NDRG4: variants seen among roughly 807,000 people sequenced by gnomAD.
NDRG4 encodes the protein protein NDRG4.
Under a neutral mutation model 55.8 loss-of-function variants are expected in NDRG4, and 38 were observed. The observed-to-expected ratio is 0.68, with a 90% confidence interval of 0.53 to 0.89. NDRG4 has a LOEUF of 0.89. Among genes scored for constraint, NDRG4 ranks in the 40% least tolerant of loss-of-function variants. The pLI is 0.00. For missense variants in NDRG4, 455 were observed against 468.6 expected (o/e 0.97, Z 0.27); for synonymous variants, 190 against 182.7 (o/e 1.04, Z -0.32).
upstream of NDRG4, among the ~76,000 whole-genome samples, chr16:58,497,254 G>A (rs1232135204): frequency 2.6e-5 from 4 of 152,028 alleles, no homozygotes; most frequent in South Asian, 2.1e-4. Flanking sequence ...CCCGGGAGGC[G>A]GAGGTTGCAG....
rs531493705 is a variant in NDRG4, at chr16:58,503,904, G to C, written c.127+1G>C. The C allele has an allele frequency of 3.7e-6, 6 of 1,613,416 alleles. No individual in the cohort carries two copies. Among genetic ancestry groups the C allele is most frequent in the Admixed American group, 1.7e-5 (1 of 60,002 alleles). On this transcript the variant is annotated splice_donor_variant, in intron 2 of 14. Coordinates refer to ENST00000570248, the MANE Select transcript of NDRG4 (RefSeq NM_001242835.2). LOFTEE classifies it high-confidence loss of function. ...ACCTACCATGATGTGGGCCTCAACC[G>C]TAAGTGCAGCCCAGCCTCAGTCAGC...
Position 58,500,365 on chromosome 16 carries a change from T to C in NDRG4, c.21+96T>C, listed in dbSNP as rs991732423. ...GGAAGTGCCCCCCTCAACCCACATC[T>C]GGTGGCAGCCCGGCCTTCAAATAGC... On this transcript the variant is annotated intron_variant, in intron 1 of 14. Transcript: ENST00000570248. 17 of 1,461,048 alleles carry C rather than the reference T, an allele frequency of 1.2e-5. No individual in the cohort carries two copies. The African/African-American group carries it at 2.0e-4, about 17-fold the overall frequency. The allele number at this position is 1,461,048 out of a possible 1,614,324, so 90.5% of individuals were successfully genotyped here.
Position 58,510,678 on chromosome 16 carries a change from G to A in NDRG4, c.899G>A (p.Gly300Glu). 6.5e-7 allele frequency: 1 copy of A among 1,536,012 alleles called. No individual in the cohort carries two copies. Among genetic ancestry groups the A allele is most frequent in the South Asian group, 1.2e-5 (1 of 84,060 alleles). The change falls in exon 14 of 15, where the codon GGA (glycine) becomes GAA (glutamate). Residue 300 changes from glycine to glutamate, a missense_variant. Coordinates refer to ENST00000570248, the MANE Select transcript of NDRG4 (RefSeq NM_001242835.2). ...TTGAAGGACCGAAGGCTGAGTGGAG[G>A]AGCAGGTAGCCCCACGGCCCTTCCC... ...AYLKDRRLSG[G>E]AVPSASMTRL...
At chr16:58,497,033 G>C (rs1371396659), upstream of NDRG4, 1 of 152,110 alleles carries the variant, frequency 6.6e-6, no homozygotes, top group Non-Finnish European at 1.5e-5. Context: ...TCCAAAAAGA[G>C]GATAAAGGCT....
At chr16:58,500,437 T>G (rs2036931576) in intron 1 of NDRG4, 168 bp downstream of exon 1, 3 of 827,776 alleles carry the variant, frequency 3.6e-6, no homozygotes, top group Non-Finnish European at 5.2e-6. Flanking sequence ...CCAGGTTCCC[T>G]GGTGATCCTG....
chr16:58,513,164 TTA>T lies in NDRG4; in HGVS notation c.*1592_*1593del, dbSNP rs1408443717. ...AGATGTATCTATAAATATCTATACA[TTA>T]TATGTGTGTGTGTGTGTGTGTGTGT... is the stretch of plus-strand genomic sequence containing the variant. On this transcript the variant is annotated 3_prime_UTR_variant, in exon 15 of 15. Transcript: ENST00000570248. 3 of 58,878 alleles carry T rather than the reference TTA, an allele frequency of 5.1e-5. No homozygotes were observed. Among genetic ancestry groups the T allele is most frequent in the Admixed American group, 2.2e-4 (1 of 4,512 alleles). 3.6% of individuals were successfully genotyped at this position (58,878 alleles called of 1,614,324 possible).
At chr16:58,510,604 C>A (rs965223760) in intron 13 of NDRG4, 41 bp from the exon 14 acceptor site, 5 of 1,519,380 alleles carry the variant, frequency 3.3e-6, no homozygotes, top group Non-Finnish European at 3.5e-6. Context: ...GTTGTGTCTC[C>A]CCCATCCCCG....
chr16:58,464,541 C>T lies in NDRG4; in HGVS notation c.-24+744C>T. ...GGACTCCGGGCGCGGCGGCCGGGGA[C>T]TGGGGCGGCTCGGGTCTGAGCAGGA... On this transcript the variant is annotated intron_variant, in intron 1 of 15. Coordinates refer to the NDRG4 transcript ENST00000258187. The surrounding 1 kb of genome is among the most constrained non-coding windows in gnomAD (Gnocchi z 4.8). 1 of 1,249,846 alleles carries T rather than the reference C, an allele frequency of 8.0e-7. No homozygotes were observed. Among genetic ancestry groups the T allele is most frequent in the Non-Finnish European group, 1.0e-6 (1 of 980,994 alleles). The allele number at this position is 1,249,846 out of a possible 1,614,324, so 77.4% of individuals were successfully genotyped here.
At chr16:58,475,087 G>A (rs1567570031) in intron 1 of NDRG4, among the ~76,000 whole-genome samples, 1 of 152,160 alleles carries the variant, frequency 6.6e-6, no homozygotes. Flanking sequence ...AGACTGTATT[G>A]CAGACTCCTG....
intron 1 of NDRG4, among the ~76,000 whole-genome samples, chr16:58,473,120 T>A (rs72790226): frequency 0.032 from 4,812 of 152,238 alleles, 98 homozygotes; most frequent in Admixed American, 0.052. Context: ...GTATTATCCT[T>A]CCCTCTGTTC....
In NDRG4 at chr16:58,507,983, C is replaced by CCGCTGAG; in HGVS notation, c.714_720dup (p.Asp241ArgfsTer2). 1 of 1,583,772 alleles carries CCGCTGAG rather than the reference C, an allele frequency of 6.3e-7. No homozygotes were observed. The highest frequency in any genetic ancestry group is 8.6e-7 in the Non-Finnish European group (1 of 1,162,052). On this transcript the variant is annotated frameshift_variant, in exon 10 of 15. Transcript: ENST00000570248. LOFTEE classifies it high-confidence loss of function. ...ATGCTGGTGGTTGGGGATAATGCAC[C>CCGCTGAG]CGCTGAGGACGGGGTGGTAAGTGAG... is the stretch of plus-strand genomic sequence containing the variant.
At chr16:58,466,839 G>A (rs1777063543) in intron 1 of NDRG4, among the ~76,000 whole-genome samples, 1 of 152,204 alleles carries the variant, frequency 6.6e-6, no homozygotes, top group Admixed American at 6.5e-5. Context: ...CTGTCTCTAA[G>A]AGATGGTGTA....
intron 1 of NDRG4, chr16:58,500,482 A>G: frequency 2.7e-6 from 1 of 366,386 alleles, no homozygotes; most frequent in Non-Finnish European, 4.8e-6. Flanking sequence ...TGCTAGTCAG[A>G]GCCCATAGCA....
rs111352265 is a variant in NDRG4 at position 58,506,621 on chromosome 16, G to T, written c.516+7G>T. 5 of 1,552,364 alleles carry T rather than the reference G, an allele frequency of 3.2e-6. No individual in the cohort carries two copies. The highest frequency in any genetic ancestry group is 4.8e-5 in the East Asian group (2 of 41,416). ...CTCCCACCTCTTCAGCCAGGTAAGG[G>T]GGGGAACTTCTGCAGATCTGGGGTG... On this transcript the variant is annotated splice_region_variant and intron_variant, in intron 7 of 14. Coordinates refer to ENST00000570248, the MANE Select transcript of NDRG4 (RefSeq NM_001242835.2).
At position 58,474,281 on chromosome 16, in the gene NDRG4, C is replaced by T. The variant is rs1411441215; in HGVS notation, c.-24+10484C>T. ...TGGTCTCGAACTCCTGGCCTCAAGC[C>T]GTGCACCTGCCTTAGCCTCCCAAAG... On this transcript the variant is annotated intron_variant, in intron 1 of 15. Coordinates refer to the NDRG4 transcript ENST00000258187. 2.6e-5 allele frequency among the ~76,000 whole-genome samples: 4 copies of T among 152,152 alleles called. 1 individual carries two copies. The highest frequency in any genetic ancestry group is 9.6e-5 in the African/African-American group (4 of 41,534).
intron 2 of NDRG4, among the ~76,000 whole-genome samples, chr16:58,491,974 A>G (rs143715253): frequency 4.2e-4 from 63 of 150,900 alleles, no homozygotes; most frequent in African/African-American, 1.4e-3. Flanking sequence ...GAGACATGGG[A>G]TCTTTCTATG....
chr16:58,486,777 C>T (rs959336427), intron 1 of NDRG4, among the ~76,000 whole-genome samples: 1 of 151,598 alleles, frequency 6.6e-6, no homozygotes, highest in Non-Finnish European at 1.5e-5. Context: ...CATTCTTCCT[C>T]TGAGGTTCAG....
rs2038833135 is a variant in NDRG4, at chr16:58,511,798, A to G, written c.*222A>G. ...CTCACTCTCCGTGGTAACTTAGCCA[A>G]CTTGACCCCTCTCATCCCACTCCCG... is the stretch of plus-strand genomic sequence containing the variant. On this transcript the variant is annotated 3_prime_UTR_variant, in exon 15 of 15. Coordinates refer to ENST00000570248, the MANE Select transcript of NDRG4 (RefSeq NM_001242835.2). 2 of 633,438 alleles carry G rather than the reference A, an allele frequency of 3.2e-6. No homozygotes were observed. Among genetic ancestry groups the G allele is most frequent in the East Asian group, 3.1e-5 (1 of 32,776 alleles). The allele number at this position is 633,438 out of a possible 1,614,324, so 39.2% of individuals were successfully genotyped here.
upstream of NDRG4, among the ~76,000 whole-genome samples, chr16:58,496,220 CTACCA>C (rs1015024110): frequency 1.3e-4 from 20 of 152,122 alleles, no homozygotes; most frequent in African/African-American, 4.8e-4. Flanking sequence ...GGAGGAGACC[CTACCA>C]TACCTCTGGG....
Sources: allele counts gnomAD v4.1 joint callset (sites outside exome capture counted in the v4.1 genomes callset), GRCh38; gene constraint gnomAD v4.1.1; non-coding constraint Gnocchi (gnomAD v3.1); transcripts MANE v1.5; gene names NCBI Gene and HGNC (gene_info 2026-07-23, HGNC 2026-07-21).